SOX5: variants seen among roughly 807,000 people sequenced by gnomAD.
The protein encoded by SOX5 is transcription factor SOX-5.
SOX5 carries 9 observed loss-of-function variants against 92.0 expected under a neutral mutation model. That is an observed-to-expected ratio of 0.10 (90% CI 0.06 to 0.17). The LOEUF (loss-of-function observed/expected upper bound fraction) is 0.17. SOX5 is among the 10% of genes least tolerant of loss of function. The probability of loss-of-function intolerance (pLI) is 1.00; values close to 1 mark genes in which losing one functional copy is unlikely to be tolerated. For synonymous variants in SOX5, 344 were observed against 336.3 expected (o/e 1.02, Z -0.25); for missense variants, 642 against 944.5 (o/e 0.68, Z 4.20).
chr12:24,288,793 TC>T (rs1175970762), intron 2 of SOX5, among the ~76,000 whole-genome samples: 1 of 151,782 alleles, frequency 6.6e-6, no homozygotes, highest in African/African-American at 2.4e-5. Flanking sequence ...GTGCGGCCCC[TC>T]CCCACCACCT....
intron 9 of SOX5, among the ~76,000 whole-genome samples, chr12:23,581,516 T>C (rs1950035655): frequency 6.6e-6 from 1 of 152,126 alleles, no homozygotes; most frequent in South Asian, 2.1e-4. Context: ...CAAAATTTAT[T>C]TGGCAGTTAA....
chr12:24,070,323 G>C (rs557309291), intron 4 of SOX5, among the ~76,000 whole-genome samples: 2 of 152,098 alleles, frequency 1.3e-5, no homozygotes, highest in South Asian at 4.2e-4. Flanking sequence ...AATACAGAAA[G>C]AAAGAGGCAA....
intron 1 of SOX5, among the ~76,000 whole-genome samples, chr12:23,935,989 C>A (rs1424910917): frequency 6.6e-6 from 1 of 151,006 alleles, no homozygotes; most frequent in African/African-American, 2.4e-5. Flanking sequence ...AGGCAACTCT[C>A]TCTGTTTCAT....
chr12:24,228,330 C>G (rs193031330), intron 3 of SOX5, among the ~76,000 whole-genome samples: 1 of 152,172 alleles, frequency 6.6e-6, no homozygotes, highest in Admixed American at 6.5e-5. Flanking sequence ...AAAAAAATAT[C>G]TGGTTTCTCT....
chr12:23,783,425 C>T (rs1206391888), intron 3 of SOX5, among the ~76,000 whole-genome samples: 1 of 151,952 alleles, frequency 6.6e-6, no homozygotes, highest in Non-Finnish European at 1.5e-5. Flanking sequence ...TTTTGTTTGA[C>T]CAGAAAGAAC....
chr12:23,919,587 TC>T (rs1403579611), intron 1 of SOX5, among the ~76,000 whole-genome samples: 1 of 152,160 alleles, frequency 6.6e-6, no homozygotes, highest in East Asian at 1.9e-4. Context: ...ACCTATCAAA[TC>T]TTTACAACCA....
intron 9 of SOX5, among the ~76,000 whole-genome samples, chr12:23,600,552 TAC>T (rs147903206): frequency 0.014 from 1,283 of 94,190 alleles, 72 homozygotes; most frequent in Middle Eastern, 0.028. Context: ...TATATATATA[TAC>T]ACATACTTGG....
intron 1 of SOX5, among the ~76,000 whole-genome samples, chr12:24,468,741 T>C (rs1944481479): frequency 6.6e-6 from 1 of 152,246 alleles, no homozygotes; most frequent in African/African-American, 2.4e-5. Context: ...TGTTTAAATA[T>C]TCATATTTCT....
At chr12:24,328,367 A>G (rs1950944133) in intron 2 of SOX5, among the ~76,000 whole-genome samples, 2 of 152,228 alleles carry the variant, frequency 1.3e-5, no homozygotes, top group Admixed American at 6.5e-5. Flanking sequence ...GTATTCAGAT[A>G]TTATTAATGT....
intron 1 of SOX5, among the ~76,000 whole-genome samples, chr12:24,492,716 C>T (rs1156963835): frequency 6.6e-6 from 1 of 152,096 alleles, no homozygotes; most frequent in African/African-American, 2.4e-5. Context: ...GTGATACTTA[C>T]GTATTTTGTT....
At chr12:23,663,367 G>A (rs542995476) in intron 7 of SOX5, among the ~76,000 whole-genome samples, 12 of 152,134 alleles carry the variant, frequency 7.9e-5, no homozygotes, top group East Asian at 1.9e-4. Flanking sequence ...AATTCTCCAC[G>A]CCACGTTACA....
At chr12:24,163,535 C>A (rs886954639) in intron 4 of SOX5, among the ~76,000 whole-genome samples, 1 of 147,536 alleles carries the variant, frequency 6.8e-6, no homozygotes, top group Non-Finnish European at 1.5e-5. Flanking sequence ...TTATTCCGAG[C>A]TTTATTCTAC....
intron 8 of SOX5, among the ~76,000 whole-genome samples, chr12:23,638,992 C>T (rs1477269985): frequency 1.3e-5 from 2 of 151,670 alleles, no homozygotes; most frequent in East Asian, 3.9e-4. Flanking sequence ...TCTTGTTATA[C>T]TACAGGATTA....
intron 4 of SOX5, among the ~76,000 whole-genome samples, chr12:24,012,392 A>C (rs1420509804): frequency 6.6e-6 from 1 of 152,152 alleles, no homozygotes; most frequent in African/African-American, 2.4e-5. Context: ...AGGACATGGA[A>C]ATTTCATATG....
chr12:24,050,301 A>C (rs1223247856), intron 4 of SOX5, among the ~76,000 whole-genome samples: 17 of 152,140 alleles, frequency 1.1e-4, no homozygotes, highest in Admixed American at 1.1e-3. Context: ...ACACATAAAC[A>C]GGTGTATAAT....
chr12:23,614,128 G>A (rs946619967), intron 8 of SOX5, among the ~76,000 whole-genome samples: 1 of 152,094 alleles, frequency 6.6e-6, no homozygotes, highest in African/African-American at 2.4e-5. Flanking sequence ...TGAAGTGGGG[G>A]CCAGGATCTG....
At chr12:24,499,190 G>T (rs957242092) in intron 1 of SOX5, among the ~76,000 whole-genome samples, 1 of 152,180 alleles carries the variant, frequency 6.6e-6, no homozygotes, top group African/African-American at 2.4e-5. Context: ...CAGTCAGAGG[G>T]CATGGCCCGT....
chr12:23,926,795 C>G (rs1940076056), intron 1 of SOX5, among the ~76,000 whole-genome samples: 1 of 151,974 alleles, frequency 6.6e-6, no homozygotes, highest in African/African-American at 2.4e-5. Context: ...CATAAATGAT[C>G]TACAGGGAAA....
intron 4 of SOX5, among the ~76,000 whole-genome samples, chr12:23,962,879 G>A (rs911065939): frequency 6.6e-6 from 1 of 151,918 alleles, no homozygotes; most frequent in African/African-American, 2.4e-5. Flanking sequence ...TATGCCAAGG[G>A]CTGAACTTCA....
Sources: allele counts gnomAD v4.1 joint callset (sites outside exome capture counted in the v4.1 genomes callset), GRCh38; gene constraint gnomAD v4.1.1; transcripts MANE v1.5; gene names NCBI Gene and HGNC (gene_info 2026-07-23, HGNC 2026-07-21).